Variants in COA8 observed in about 807,000 individuals in gnomAD.
COA8 encodes cytochrome c oxidase assembly factor 8.
A neutral mutation model predicts 22.0 loss-of-function variants in COA8; 20 were observed. That is an observed-to-expected ratio of 0.91 (90% CI 0.64 to 1.32). The LOEUF is 1.32. Ranked by LOEUF, COA8 falls within the 40% of genes most tolerant of loss-of-function variation. COA8 has a pLI of 0.00. For missense variants in COA8, 266 were observed against 230.0 expected, an observed-to-expected ratio of 1.16 and a Z score of -1.01; for synonymous variants, 105 against 79.9, an observed-to-expected ratio of 1.31 and a Z score of -1.68.
At chr14:103,582,953 G>T (rs960756090) in intron 3 of COA8, among the ~76,000 whole-genome samples, 1 of 151,820 alleles carries the variant, frequency 6.6e-6, no homozygotes, top group Non-Finnish European at 1.5e-5. Flanking sequence ...TATATCTCTG[G>T]ATTTGCCTAT....
chr14:103,573,357 A>G (rs2076203354), intron 2 of COA8, among the ~76,000 whole-genome samples: 1 of 151,476 alleles, frequency 6.6e-6, no homozygotes, highest in African/African-American at 2.4e-5. Context: ...TTTAGAAGAG[A>G]TGGGGTTTCA....
chr14:103,562,986 C>G lies in COA8; in HGVS notation c.-16C>G. 1 of 1,540,226 alleles carries G rather than the reference C, an allele frequency of 6.5e-7. No individual in the cohort carries two copies. Among genetic ancestry groups the G allele is most frequent in the African/African-American group, 1.4e-5 (1 of 72,362 alleles). On this transcript the variant is annotated 5_prime_UTR_variant, in exon 1 of 5. Coordinates refer to ENST00000409074, the MANE Select transcript of COA8 (RefSeq NM_001370595.2). ...CAATGCTGCCGTGCGCCGCGGGAGC[C>G]AGGGGGCGTGGGGCCATGGTGGTCT... is the stretch of plus-strand genomic sequence containing the variant.
Position 103,581,581 on chromosome 14 carries a change from C to T in COA8, c.386-5693C>T, listed in dbSNP as rs2076267707. On this transcript the variant is annotated intron_variant, in intron 3 of 4. Coordinates refer to ENST00000409074, the MANE Select transcript of COA8 (RefSeq NM_001370595.2). This position sits in a 1 kb window ranked among gnomAD's most constrained non-coding sequence, Gnocchi z 4.1. The stretch of plus-strand genomic sequence containing the variant: ...TTAATATTTTCAGACCCCACTTTAC[C>T]TCGGGTAACTGAAACCATGGAAAGA... 5.0e-6 allele frequency: 2 copies of T among 398,930 alleles called. No homozygotes were observed. Among genetic ancestry groups the T allele is most frequent in the South Asian group, 1.3e-4 (1 of 7,860 alleles). 24.7% of individuals were successfully genotyped at this position (398,930 alleles called of 1,614,324 possible).
At chr14:103,568,522 C>T (rs2076153449) in intron 1 of COA8, among the ~76,000 whole-genome samples, 1 of 150,772 alleles carries the variant, frequency 6.6e-6, no homozygotes, top group African/African-American at 2.5e-5. Context: ...TATATATACA[C>T]ACACATACAC....
intron 1 of COA8, among the ~76,000 whole-genome samples, chr14:103,570,712 G>A (rs777532864): frequency 9.2e-5 from 14 of 152,324 alleles, no homozygotes; most frequent in Admixed American, 4.6e-4. Context: ...TAGCCTGGGC[G>A]ATAGAGCGAG....
At chr14:103,576,809 G>T (rs192957947) in intron 3 of COA8, among the ~76,000 whole-genome samples, 1 of 152,324 alleles carries the variant, frequency 6.6e-6, no homozygotes, top group Admixed American at 6.5e-5. Context: ...GGTGGGGCTT[G>T]TGCAGAGAGC....
intron 1 of COA8, among the ~76,000 whole-genome samples, chr14:103,567,855 G>A (rs887920550): frequency 2.6e-5 from 4 of 152,144 alleles, no homozygotes; most frequent in African/African-American, 4.8e-5. Context: ...TCACTCCAGC[G>A]TTGGGTGAAA....
intron 1 of COA8, 141 bp from the exon 2 acceptor site, chr14:103,571,482 T>C (rs1278741619): frequency 2.6e-5 from 20 of 769,896 alleles, no homozygotes; most frequent in Non-Finnish European, 4.1e-5. Flanking sequence ...CCCAGCACTT[T>C]GGCTGAGATC....
chr14:103,572,097 A>G (rs1158617128), intron 2 of COA8, among the ~76,000 whole-genome samples: 1 of 151,796 alleles, frequency 6.6e-6, no homozygotes, highest in Non-Finnish European at 1.5e-5. Context: ...ACTGCACTCC[A>G]GCCTGGGTGA....
At chr14:103,567,108 C>T (rs1370231396) in intron 1 of COA8, among the ~76,000 whole-genome samples, 3 of 152,054 alleles carry the variant, frequency 2.0e-5, no homozygotes, top group Admixed American at 6.6e-5. Flanking sequence ...CGCGGTGGCT[C>T]GTGCCTGTAA....
chr14:103,568,722 C>A (rs1448079942), intron 1 of COA8, among the ~76,000 whole-genome samples: 2 of 151,644 alleles, frequency 1.3e-5, no homozygotes, highest in Admixed American at 1.3e-4. Flanking sequence ...CTCCGCCTCC[C>A]AGGTTCAAGC....
chr14:103,568,740 G>A (rs958218633), intron 1 of COA8, among the ~76,000 whole-genome samples: 3 of 151,350 alleles, frequency 2.0e-5, no homozygotes, highest in Non-Finnish European at 4.4e-5. Context: ...AGCAATTCTT[G>A]TGCCTCAGCC....
chr14:103,587,633 G>T (rs866872212), intron 4 of COA8, among the ~76,000 whole-genome samples: 1 of 149,406 alleles, frequency 6.7e-6, no homozygotes, highest in Non-Finnish European at 1.5e-5. Context: ...TCAGCCTCCC[G>T]AGTAGCTGGG....
At chr14:103,587,136 T>C in intron 3 of COA8, 138 bp from the exon 4 acceptor site, 1 of 556,140 alleles carries the variant, frequency 1.8e-6, no homozygotes, top group Non-Finnish European at 3.2e-6. Context: ...ATTGCTAGTG[T>C]ATAGAAATAC....
intron 1 of COA8, among the ~76,000 whole-genome samples, chr14:103,565,105 G>A (rs1472572242): frequency 6.6e-6 from 1 of 151,992 alleles, no homozygotes; most frequent in East Asian, 1.9e-4. Context: ...ACAGGCGCAT[G>A]CTGCCACGCC....
intron 3 of COA8, chr14:103,574,838 A>G (rs2076218751): frequency 4.2e-6 from 1 of 237,114 alleles, no homozygotes; most frequent in South Asian, 5.5e-5. Context: ...TGCTGCATCC[A>G]GCAGTAAGCA....
chr14:103,570,559 C>A (rs1245801426), intron 1 of COA8, among the ~76,000 whole-genome samples: 1 of 152,072 alleles, frequency 6.6e-6, no homozygotes, highest in Non-Finnish European at 1.5e-5. Flanking sequence ...ATGGTGAAAC[C>A]CCATCTCTAC....
intron 3 of COA8, 106 bp downstream of exon 3, chr14:103,574,276 C>A: frequency 6.7e-7 from 1 of 1,484,754 alleles, no homozygotes; most frequent in Non-Finnish European, 9.4e-7. Flanking sequence ...TCAGGGCGGT[C>A]CTTGGCCTGC....
intron 2 of COA8, among the ~76,000 whole-genome samples, chr14:103,572,816 C>G (rs1473573301): frequency 1.3e-5 from 2 of 151,342 alleles, no homozygotes; most frequent in Non-Finnish European, 2.9e-5. Context: ...CGGAGTCTCG[C>G]TCTGTCACCA....
Sources: gnomAD v4.1 joint callset for allele counts (sites outside exome capture counted in the v4.1 genomes callset) on GRCh38, gnomAD v4.1.1 for gene constraint, Gnocchi (gnomAD v3.1) non-coding constraint, MANE v1.5 for transcripts, NCBI Gene and HGNC (gene_info 2026-07-23, HGNC 2026-07-21) for gene names.